The following HDAC9 variants were observed in gnomAD, a reference collection of about 807,000 sequenced individuals.
The protein encoded by HDAC9 is histone deacetylase 9, also known as MEF-2 interacting transcription repressor (MITR) protein.
Under a neutral mutation model 139.4 loss-of-function variants are expected in HDAC9, and 41 were observed. The ratio of observed to expected loss-of-function variants is 0.29; its 90% CI spans 0.23 to 0.38. HDAC9 has a LOEUF of 0.38. Ranked by LOEUF, HDAC9 falls within the 10% of genes least tolerant of loss-of-function variation. The pLI is 1.00. For synonymous variants in HDAC9, 517 were observed against 476.2 expected, an observed-to-expected ratio of 1.09 and a Z score of -1.12; for missense variants, 1,147 against 1,297.0, an observed-to-expected ratio of 0.88 and a Z score of 1.78.
intron 1 of HDAC9, among the ~76,000 whole-genome samples, chr7:18,102,046 A>G (rs999066099): frequency 4.6e-5 from 7 of 152,234 alleles, no homozygotes; most frequent in African/African-American, 1.2e-4. Context: ...ATGTCAAGCA[A>G]TAGTGAACTA....
At chr7:18,265,575 C>A (rs1382237910) in intron 2 of HDAC9, among the ~76,000 whole-genome samples, 1 of 151,786 alleles carries the variant, frequency 6.6e-6, no homozygotes, top group African/African-American at 2.4e-5. Flanking sequence ...CTATAAATGA[C>A]TCTTTAGTCA....
intron 23 of HDAC9, among the ~76,000 whole-genome samples, chr7:18,950,045 A>G (rs1198207392): frequency 6.6e-6 from 1 of 152,120 alleles, no homozygotes; most frequent in South Asian, 2.1e-4. Flanking sequence ...AATAAATTAT[A>G]GAATACATTA....
intron 22 of HDAC9, among the ~76,000 whole-genome samples, chr7:18,908,333 T>C (rs1585284335): frequency 6.6e-6 from 1 of 152,264 alleles, no homozygotes; most frequent in Non-Finnish European, 1.5e-5. Flanking sequence ...ATTAAATCAA[T>C]GTGTGATTAT....
At chr7:18,544,258 A>G (rs1363314059) in intron 2 of HDAC9, among the ~76,000 whole-genome samples, 1 of 152,196 alleles carries the variant, frequency 6.6e-6, no homozygotes, top group Non-Finnish European at 1.5e-5. Context: ...TAAAGATCTC[A>G]TAGGTTTGGT....
intron 12 of HDAC9, among the ~76,000 whole-genome samples, chr7:18,673,705 TGATA>T (rs1216397624): frequency 6.6e-6 from 1 of 152,078 alleles, no homozygotes; most frequent in African/African-American, 2.4e-5. Context: ...TTTTGTTAAT[TGATA>T]GATCTCATCA....
At chr7:18,830,388 A>T (rs959589274) in intron 19 of HDAC9, among the ~76,000 whole-genome samples, 10 of 152,232 alleles carry the variant, frequency 6.6e-5, no homozygotes, top group Non-Finnish European at 1.5e-4. Flanking sequence ...CGAACCTGGT[A>T]CATCTGCACT....
chr7:18,109,720 A>G (rs1783481983), intron 1 of HDAC9, among the ~76,000 whole-genome samples: 1 of 152,158 alleles, frequency 6.6e-6, no homozygotes, highest in Non-Finnish European at 1.5e-5. Context: ...TGTGAATTTG[A>G]AGAGCTTCAT....
At chr7:18,974,849 C>G (rs1330907181) in intron 24 of HDAC9, among the ~76,000 whole-genome samples, 1 of 152,206 alleles carries the variant, frequency 6.6e-6, no homozygotes, top group Non-Finnish European at 1.5e-5. Flanking sequence ...GTCCAGAACC[C>G]TGTTATCTTA....
intron 22 of HDAC9, among the ~76,000 whole-genome samples, chr7:18,907,457 C>A (rs1802364391): frequency 6.6e-6 from 1 of 152,184 alleles, no homozygotes; most frequent in South Asian, 2.1e-4. Flanking sequence ...TGATGCATGT[C>A]AAGATTATAT....
chr7:18,365,583 C>T (rs1012506661), intron 1 of HDAC9, among the ~76,000 whole-genome samples: 1 of 151,676 alleles, frequency 6.6e-6, no homozygotes, highest in Non-Finnish European at 1.5e-5. Flanking sequence ...AGACAAGGGA[C>T]TAACGAGCAG....
chr7:18,216,129 TGAGA>T (rs59712565), intron 2 of HDAC9, among the ~76,000 whole-genome samples: 20 of 143,734 alleles, frequency 1.4e-4, no homozygotes, highest in Admixed American at 7.7e-4. Flanking sequence ...TGTGTGTGTG[TGAGA>T]GAGAGAGAGA....
chr7:18,871,038 T>A (rs1347904428), intron 21 of HDAC9, among the ~76,000 whole-genome samples: 1 of 152,178 alleles, frequency 6.6e-6, no homozygotes, highest in Non-Finnish European at 1.5e-5. Flanking sequence ...TAATTATATA[T>A]TTTCCTCAAT....
At chr7:18,883,090 T>A (rs1212684339) in intron 22 of HDAC9, among the ~76,000 whole-genome samples, 1 of 152,186 alleles carries the variant, frequency 6.6e-6, no homozygotes, top group Non-Finnish European at 1.5e-5. Context: ...TATTTTGTGA[T>A]GAGGATACCT....
chr7:18,702,856 C>T (rs1259622950), intron 12 of HDAC9, among the ~76,000 whole-genome samples: 1 of 152,224 alleles, frequency 6.6e-6, no homozygotes, highest in African/African-American at 2.4e-5. Context: ...GAACTTTAAA[C>T]ATCCTTTGTA....
intron 2 of HDAC9, among the ~76,000 whole-genome samples, chr7:18,280,250 G>T (rs1371066716): frequency 6.6e-6 from 1 of 152,078 alleles, no homozygotes; most frequent in African/African-American, 2.4e-5. Flanking sequence ...TTAGGAGTTT[G>T]AGACCAGCTT....
intron 2 of HDAC9, among the ~76,000 whole-genome samples, chr7:18,568,466 C>T (rs775924294): frequency 6.6e-6 from 1 of 152,198 alleles, no homozygotes; most frequent in Non-Finnish European, 1.5e-5. Context: ...AGCTAGCGCT[C>T]AGCATATGTT....
At chr7:18,420,257 A>C (rs1789493738) in intron 1 of HDAC9, among the ~76,000 whole-genome samples, 1 of 152,202 alleles carries the variant, frequency 6.6e-6, no homozygotes. Flanking sequence ...TCTGCATTTC[A>C]GGCCTAGGAA....
At chr7:18,473,660 C>T (rs995676189) in intron 1 of HDAC9, among the ~76,000 whole-genome samples, 1 of 152,056 alleles carries the variant, frequency 6.6e-6, no homozygotes, top group African/African-American at 2.4e-5. Context: ...CTTTAGCAAC[C>T]CTGAGTTCTT....
chr7:18,543,121 AT>A (rs1813561560), intron 2 of HDAC9: 1 of 152,124 alleles, frequency 6.6e-6, no homozygotes, highest in Non-Finnish European at 1.5e-5. Flanking sequence ...TTTTAAAGTT[AT>A]TTTTTGACAG....
Sources: allele counts gnomAD v4.1 joint callset (sites outside exome capture counted in the v4.1 genomes callset), GRCh38; gene constraint gnomAD v4.1.1; transcripts MANE v1.5; gene names NCBI Gene and HGNC (gene_info 2026-07-23, HGNC 2026-07-21).